The following SORCS1 variants were observed in gnomAD, a reference collection of about 807,000 sequenced individuals.
The protein encoded by SORCS1 is sortilin related VPS10 domain containing receptor 1.
Under a neutral mutation model 146.1 loss-of-function variants are expected in SORCS1, and 60 were observed. The observed-to-expected ratio is 0.41, with a 90% confidence interval of 0.33 to 0.51. The LOEUF is 0.51. Ranked by LOEUF, SORCS1 falls within the 20% of genes least tolerant of loss-of-function variation. The pLI is 0.21. For synonymous variants in SORCS1, 637 were observed against 584.0 expected (o/e 1.09, Z -1.31); for missense variants, 1,352 against 1,487.6 (o/e 0.91, Z 1.50).
intron 2 of SORCS1, among the ~76,000 whole-genome samples, chr10:106,875,059 A>C (rs1382717117): frequency 3.9e-5 from 6 of 152,128 alleles, no homozygotes; most frequent in African/African-American, 1.2e-4. Flanking sequence ...TGCACCCATC[A>C]CCTGGGTAGT....
At chr10:107,115,273 A>G (rs1965951233) in intron 1 of SORCS1, among the ~76,000 whole-genome samples, 1 of 152,076 alleles carries the variant, frequency 6.6e-6, no homozygotes, top group Admixed American at 6.5e-5. Flanking sequence ...TTCATATGGA[A>G]CTACAAAAGA....
intron 1 of SORCS1, among the ~76,000 whole-genome samples, chr10:107,156,662 G>T (rs977866625): frequency 1.3e-5 from 2 of 152,168 alleles, no homozygotes; most frequent in African/African-American, 4.8e-5. Flanking sequence ...AAACCCATTA[G>T]CATCAACAGG....
chr10:107,007,806 T>C lies in SORCS1; in HGVS notation c.559-51226A>G, dbSNP rs571642581. Among the ~76,000 whole-genome samples, 10 of 151,338 alleles carry C rather than the reference T, an allele frequency of 6.6e-5. No individual in the cohort carries two copies. The East Asian group carries it at 1.5e-3, about 23-fold the overall frequency. On this transcript the variant is annotated intron_variant, in intron 1 of 25. Coordinates refer to ENST00000263054, the MANE Select transcript of SORCS1 (RefSeq NM_052918.5). ...CTAGGCCACATCCCATTGAATACCA[T>C]GCGAGGCTCAGGCCCAATTACGCTT...
At chr10:106,762,554 G>T (rs1199073131) in intron 4 of SORCS1, among the ~76,000 whole-genome samples, 1 of 151,028 alleles carries the variant, frequency 6.6e-6, no homozygotes. Flanking sequence ...CACCAAGCCC[G>T]GCTAATTTTT....
intron 2 of SORCS1, among the ~76,000 whole-genome samples, chr10:106,844,378 A>G (rs1434117197): frequency 1.3e-5 from 2 of 152,018 alleles, no homozygotes; most frequent in Non-Finnish European, 2.9e-5. Flanking sequence ...AAATAAAATC[A>G]TTTCTAAGAC....
chr10:106,785,882 C>T (rs1354423793), intron 3 of SORCS1, among the ~76,000 whole-genome samples: 2 of 152,150 alleles, frequency 1.3e-5, no homozygotes, highest in Non-Finnish European at 2.9e-5. Context: ...ATTTTCCTTC[C>T]TTCTTCAGTT....
At chr10:107,122,032 C>T (rs780023520) in intron 1 of SORCS1, among the ~76,000 whole-genome samples, 13 of 152,318 alleles carry the variant, frequency 8.5e-5, no homozygotes, top group South Asian at 4.1e-4. Flanking sequence ...GCACCAGCCA[C>T]CTGATGCTGC....
chr10:107,012,169 C>T (rs1957722443), intron 1 of SORCS1, among the ~76,000 whole-genome samples: 1 of 152,138 alleles, frequency 6.6e-6, no homozygotes, highest in Admixed American at 6.5e-5. Context: ...GTTGCAATTT[C>T]ACGCTTTCCT....
chr10:106,755,614 T>C (rs1006854244), intron 5 of SORCS1, among the ~76,000 whole-genome samples: 1 of 151,258 alleles, frequency 6.6e-6, no homozygotes, highest in Non-Finnish European at 1.5e-5. Context: ...GTGTCTTTTT[T>C]TCCCTTTTTA....
At chr10:106,994,988 A>C (rs1005190919) in intron 1 of SORCS1, among the ~76,000 whole-genome samples, 3 of 152,164 alleles carry the variant, frequency 2.0e-5, no homozygotes, top group South Asian at 2.1e-4. Flanking sequence ...AAAATAAAAC[A>C]TACAGGAGAG....
intron 4 of SORCS1, among the ~76,000 whole-genome samples, chr10:106,776,123 C>T (rs952330929): frequency 6.6e-6 from 1 of 152,160 alleles, no homozygotes; most frequent in African/African-American, 2.4e-5. Context: ...AACAACCCTG[C>T]TTCGTGTTCT....
At chr10:106,754,810 G>A (rs1376429624) in intron 5 of SORCS1, among the ~76,000 whole-genome samples, 1 of 152,148 alleles carries the variant, frequency 6.6e-6, no homozygotes, top group Non-Finnish European at 1.5e-5. Flanking sequence ...AAATAACAAA[G>A]GTTCATTGCT....
intron 1 of SORCS1, among the ~76,000 whole-genome samples, chr10:107,017,682 G>A (rs912992803): frequency 3.2e-4 from 49 of 152,156 alleles, no homozygotes; most frequent in African/African-American, 1.0e-3. Flanking sequence ...TTGAGACAGC[G>A]TCTCACTCTG....
chr10:107,020,183 T>TA (rs1400982436), intron 1 of SORCS1, among the ~76,000 whole-genome samples: 1 of 152,202 alleles, frequency 6.6e-6, no homozygotes, highest in Admixed American at 6.5e-5. Flanking sequence ...CTAATGTCTT[T>TA]ACCTTTTATG....
chr10:106,894,209 A>G (rs1391121744), intron 2 of SORCS1, among the ~76,000 whole-genome samples: 1 of 151,390 alleles, frequency 6.6e-6, no homozygotes, highest in Non-Finnish European at 1.5e-5. Context: ...ATCCGTCAGC[A>G]TGTAGGAAGT....
intron 1 of SORCS1, among the ~76,000 whole-genome samples, chr10:107,056,581 A>G (rs1263783995): frequency 6.6e-6 from 1 of 152,254 alleles, no homozygotes; most frequent in African/African-American, 2.4e-5. Context: ...CTCTTATCAT[A>G]TAATTAGCAC....
intron 3 of SORCS1, among the ~76,000 whole-genome samples, chr10:106,826,947 G>T (rs1378793012): frequency 6.6e-6 from 1 of 152,162 alleles, no homozygotes; most frequent in African/African-American, 2.4e-5. Context: ...ATGGCTAAAT[G>T]CCCTTTTAAA....
chr10:106,936,140 T>C, intron 2 of SORCS1, among the ~76,000 whole-genome samples: 1 of 152,168 alleles, frequency 6.6e-6, no homozygotes, highest in South Asian at 2.1e-4. Flanking sequence ...TCACTTCCCC[T>C]TTTCTCTAAT....
chr10:107,037,466 T>C (rs1003266742), intron 1 of SORCS1, among the ~76,000 whole-genome samples: 3 of 152,236 alleles, frequency 2.0e-5, no homozygotes, highest in Non-Finnish European at 4.4e-5. Context: ...AACCATAATA[T>C]GTTTGCATTT....
Sources: gnomAD v4.1 joint callset for allele counts (sites outside exome capture counted in the v4.1 genomes callset) on GRCh38, gnomAD v4.1.1 for gene constraint, MANE v1.5 for transcripts, NCBI Gene and HGNC (gene_info 2026-07-23, HGNC 2026-07-21) for gene names.